ARFGEF1: variants seen among roughly 807,000 people sequenced by gnomAD.
ARFGEF1 encodes the protein brefeldin A-inhibited guanine nucleotide-exchange protein 1.
In ARFGEF1, 42 loss-of-function variants were observed where a neutral mutation model predicts 231.0. The observed-to-expected ratio is 0.18, with a 90% CI of 0.14 to 0.24. ARFGEF1 has a LOEUF of 0.24. Ranked by LOEUF, ARFGEF1 falls within the 10% of genes least tolerant of loss-of-function variation. ARFGEF1 has a pLI of 1.00. For missense variants in ARFGEF1, 1,345 were observed against 2,192.0 expected (o/e 0.61, Z 7.72); for synonymous variants, 710 against 732.3 (o/e 0.97, Z 0.49).
intron 5 of ARFGEF1, among the ~76,000 whole-genome samples, chr8:67,191,404 T>C (rs1356733681): frequency 6.6e-6 from 1 of 152,248 alleles, no homozygotes; most frequent in Non-Finnish European, 1.5e-5. Flanking sequence ...ATGTTGCTAT[T>C]AGCGTTATTA....
intron 1 of ARFGEF1, among the ~76,000 whole-genome samples, chr8:67,308,612 C>T (rs150541976): frequency 2.8e-3 from 422 of 152,304 alleles, no homozygotes; most frequent in Middle Eastern, 0.02. Flanking sequence ...GCCTCAGCCT[C>T]TTGCCCATTT....
intron 1 of ARFGEF1, among the ~76,000 whole-genome samples, chr8:67,319,606 C>T (rs544960232): frequency 1.3e-5 from 2 of 151,482 alleles, no homozygotes; most frequent in Non-Finnish European, 1.5e-5. Flanking sequence ...ATCAAACTTT[C>T]GGAAAACATA....
Position 67,219,446 on chromosome 8 carries a change from T to C in ARFGEF1, c.4323A>G (p.Pro1441=), listed in dbSNP as rs754169368. 1.9e-6 allele frequency: 3 copies of C among 1,610,978 alleles called. No homozygotes were observed. Among genetic ancestry groups the C allele is most frequent in the South Asian group, 1.1e-5 (1 of 89,774 alleles). Residue 1441 remains proline (P), a synonymous_variant, in exon 30 of 39, where the codon CCA becomes CCG. Transcript: ENST00000262215. ...VFRIFDNMKL[P]EQQTEKAEWM... ...ATCCTCTTACCTCTGTCTGTTGTTC[T>C]GGCAATTTCATATTGTCAAAGATTC...
chr8:67,222,219 A>ATG (rs1554636843), intron 29 of ARFGEF1, among the ~76,000 whole-genome samples: 2 of 115,100 alleles, frequency 1.7e-5, no homozygotes, highest in African/African-American at 6.8e-5. Context: ...ACACATATAT[A>ATG]TATATGTATA....
intron 5 of ARFGEF1, among the ~76,000 whole-genome samples, chr8:67,189,864 C>T (rs1388187605): frequency 2.0e-5 from 3 of 151,986 alleles, no homozygotes; most frequent in African/African-American, 7.3e-5. Context: ...AAAGGAGTTG[C>T]GGAGGTTACC....
chr8:67,189,642 T>G (rs1218297353), intron 5 of ARFGEF1, among the ~76,000 whole-genome samples: 1 of 152,192 alleles, frequency 6.6e-6, no homozygotes, highest in Non-Finnish European at 1.5e-5. Flanking sequence ...ATAATTAGAT[T>G]TTTGCAGTGT....
intron 23 of ARFGEF1, among the ~76,000 whole-genome samples, chr8:67,228,556 CTAAGAA>C (rs1012946219): frequency 4.5e-4 from 68 of 152,014 alleles, no homozygotes; most frequent in African/African-American, 1.6e-3. Flanking sequence ...ATATGAGATT[CTAAGAA>C]TAAGAAAAAT....
At chr8:67,284,860 C>T (rs1007216202) in intron 7 of ARFGEF1, among the ~76,000 whole-genome samples, 5 of 152,092 alleles carry the variant, frequency 3.3e-5, no homozygotes, top group African/African-American at 7.2e-5. Context: ...AAAGACTCTT[C>T]GGAGAACTAG....
chr8:67,304,751 G>A lies in ARFGEF1; in HGVS notation c.125-2285C>T, dbSNP rs190928606. Among the ~76,000 whole-genome samples the A allele has an allele frequency of 4.6e-5, 7 of 152,318 alleles. No individual in the cohort carries two copies. The East Asian group carries it at 9.6e-4, about 21-fold the overall frequency. On this transcript the variant is annotated intron_variant, in intron 1 of 38. Transcript: ENST00000262215. ...CAGGAATCGCTTGAACCCAGGAAGC[G>A]GAAGCTGCAGTGAGCTGAGATTGCG...
chr8:67,180,548 AAATAAT>A (rs891969270), intron 5 of ARFGEF1, among the ~76,000 whole-genome samples: 3 of 152,128 alleles, frequency 2.0e-5, no homozygotes, highest in Admixed American at 6.5e-5. Context: ...ATGGGAAATA[AAATAAT>A]AATAATAGAT....
chr8:67,316,464 AT>A (rs939191717), intron 1 of ARFGEF1, among the ~76,000 whole-genome samples: 93 of 146,156 alleles, frequency 6.4e-4, no homozygotes, highest in Middle Eastern at 3.6e-3. Context: ...CTGTTGTATA[AT>A]TTTTTTTTTT....
chr8:67,292,247 A>G, intron 5 of ARFGEF1, 124 bp from the exon 6 acceptor site: 1 of 792,000 alleles, frequency 1.3e-6, no homozygotes, highest in South Asian at 1.8e-5. Flanking sequence ...ATTAAAGTTT[A>G]TCAGAAATGG....
intron 1 of ARFGEF1, among the ~76,000 whole-genome samples, chr8:67,340,501 G>A (rs1808577846): frequency 6.6e-6 from 1 of 152,160 alleles, no homozygotes; most frequent in South Asian, 2.1e-4. Flanking sequence ...AGTCTCTAAC[G>A]GTCTTCAAGG....
In ARFGEF1 at chr8:67,226,096, G is replaced by T. The variant is rs763579019; in HGVS notation, c.4004C>A (p.Ala1335Asp). The change falls in exon 28 of 39, where the codon GCT becomes GAT. Residue 1335 changes from alanine to aspartate, a missense_variant. By Grantham distance (126) the Ala-to-Asp change is moderately radical (BLOSUM62 -2). This residue lies in a region of ARFGEF1 where 142 missense variants were observed against 227.3 expected (regional missense o/e 0.62). Transcript: ENST00000262215. Reference protein sequence around the residue: ...KCLSEFACNAAFPDTSMEAIR... With the variant: ...KCLSEFACNADFPDTSMEAIR... ...TGCTTCCATACTTGTGTCTGGGAAA[G>T]CTGCATTGCACGCAAATTCAGACAA... The T allele has an allele frequency of 6.2e-7, 1 of 1,613,348 alleles. No individual in the cohort carries two copies. The highest frequency in any genetic ancestry group is 8.5e-7 in the Non-Finnish European group (1 of 1,179,566).
intron 5 of ARFGEF1, among the ~76,000 whole-genome samples, chr8:67,188,544 T>A (rs1835315037): frequency 6.6e-6 from 1 of 152,222 alleles, no homozygotes; most frequent in Admixed American, 6.5e-5. Context: ...GGCAACCCGT[T>A]TTGGGTCCCC....
Position 67,198,711 on chromosome 8 carries a change from T to A in ARFGEF1, c.*223A>T. The A allele has an allele frequency of 7.7e-7, 1 of 1,299,684 alleles. No individual in the cohort carries two copies. Among genetic ancestry groups the A allele is most frequent in the Non-Finnish European group, 9.8e-7 (1 of 1,024,088 alleles). 80.5% of individuals were successfully genotyped at this position (1,299,684 alleles called of 1,614,324 possible). On this transcript the variant is annotated 3_prime_UTR_variant, in exon 39 of 39. Transcript: ENST00000262215. ...CCCGTGAGCATGAGCTGACACTGTT[T>A]AAACAGGCTTTCTGCTCAACATGAG... is the stretch of plus-strand genomic sequence containing the variant.
intron 19 of ARFGEF1, among the ~76,000 whole-genome samples, chr8:67,250,714 C>T (rs1344854475): frequency 6.6e-6 from 1 of 152,200 alleles, no homozygotes; most frequent in Non-Finnish European, 1.5e-5. Context: ...CTAGACACTA[C>T]TCCACTTTGC....
downstream of ARFGEF1, chr8:67,195,939 G>A (rs895231685): frequency 2.6e-5 from 5 of 189,956 alleles, no homozygotes; most frequent in Middle Eastern, 2.3e-3. Flanking sequence ...ACTCCCCTTT[G>A]TTACATGCAC....
At chr8:67,269,323 T>A (rs1277634724) in intron 10 of ARFGEF1, among the ~76,000 whole-genome samples, 1 of 151,824 alleles carries the variant, frequency 6.6e-6, no homozygotes, top group African/African-American at 2.4e-5. Context: ...ATTTAGGTTT[T>A]CATAGCTGGG....
Sources: allele counts gnomAD v4.1 joint callset (sites outside exome capture counted in the v4.1 genomes callset), GRCh38; gene constraint gnomAD v4.1.1; regional missense constraint gnomAD v4.1.1; transcripts MANE v1.5; gene names NCBI Gene and HGNC (gene_info 2026-07-23, HGNC 2026-07-21).